SEC23IP: variants seen among roughly 807,000 people sequenced by gnomAD.
The protein encoded by SEC23IP is SEC23 interacting protein, also known as SEC23-interacting protein.
A neutral mutation model predicts 113.4 loss-of-function variants in SEC23IP; 70 were observed. The observed-to-expected ratio is 0.62, with a 90% CI of 0.51 to 0.75. SEC23IP has a LOEUF of 0.75. SEC23IP is among the 30% of genes least tolerant of loss of function. The pLI, the probability that SEC23IP is intolerant of heterozygous loss-of-function variation, is 0.00. For missense variants in SEC23IP, 1,160 were observed against 1,204.9 expected, an observed-to-expected ratio of 0.96 and a Z score of 0.55; for synonymous variants, 398 against 421.0, an observed-to-expected ratio of 0.95 and a Z score of 0.67.
intron 5 of SEC23IP, among the ~76,000 whole-genome samples, chr10:119,909,559 G>C (rs1854791832): frequency 1.3e-5 from 2 of 152,154 alleles, no homozygotes; most frequent in African/African-American, 4.8e-5. Flanking sequence ...CTGCACTCTA[G>C]TAGCCTGGGT....
At chr10:119,914,927 A>G in intron 7 of SEC23IP, 108 bp downstream of exon 7, 1 of 967,866 alleles carries the variant, frequency 1.0e-6, no homozygotes, top group East Asian at 2.4e-5. Flanking sequence ...CTTGCTGAGG[A>G]GTCTGTAAGA....
intron 2 of SEC23IP, among the ~76,000 whole-genome samples, chr10:119,899,355 A>T (rs568609084): frequency 1.3e-5 from 2 of 152,344 alleles, no homozygotes; most frequent in South Asian, 4.1e-4. Flanking sequence ...ACTAAAATTG[A>T]TTACTTCAGT....
At chr10:119,893,559 G>A (rs111943930) in intron 1 of SEC23IP, among the ~76,000 whole-genome samples, 12 of 119,674 alleles carry the variant, frequency 1.0e-4, no homozygotes, top group Admixed American at 3.5e-4. Flanking sequence ...TTGCTCTGTC[G>A]CCCAGGCTGG....
intron 2 of SEC23IP, among the ~76,000 whole-genome samples, chr10:119,902,098 T>C (rs982720925): frequency 8.5e-5 from 13 of 152,222 alleles, no homozygotes; most frequent in African/African-American, 3.1e-4. Context: ...GGCTCACACC[T>C]GTAATCCCAA....
intron 12 of SEC23IP, among the ~76,000 whole-genome samples, 153 bp downstream of exon 12, chr10:119,921,137 G>A (rs1200147283): frequency 6.6e-6 from 1 of 152,182 alleles, no homozygotes; most frequent in Admixed American, 6.5e-5. Context: ...CCAGACTTAG[G>A]AGTCAGAGTT....
chr10:119,902,820 C>G lies in SEC23IP; in HGVS notation c.718C>G (p.Pro240Ala). Reference protein sequence around the residue: ...LPPVPSSVQSPAQQQVPARPG... With the variant: ...LPPVPSSVQSAAQQQVPARPG... ...CCAGGTTCCTTCTTCAGTGCAGTCACCGGCACAGCAGCAGGTACCTGCCAG... is the reference window on the plus strand; with the variant it reads ...CCAGGTTCCTTCTTCAGTGCAGTCAGCGGCACAGCAGCAGGTACCTGCCAG... The change falls in exon 3 of 19, where the codon CCG (proline) becomes GCG (alanine). Residue 240 changes from proline (P) to alanine (A), a missense_variant. Transcript: ENST00000369075. 6.2e-7 allele frequency: 1 copy of G among 1,614,150 alleles called. No homozygotes were observed. Among genetic ancestry groups the G allele is most frequent in the Non-Finnish European group, 8.5e-7 (1 of 1,180,010 alleles).
rs188197220 is a variant in SEC23IP, at chr10:119,910,326, T to G, written c.1191+1196T>G. Among the ~76,000 whole-genome samples, 289 of 152,308 alleles carry G rather than the reference T, an allele frequency of 1.9e-3. 1 individual carries two copies. The highest frequency in any genetic ancestry group is 6.7e-3 in the African/African-American group (277 of 41,558). On this transcript the variant is annotated intron_variant, in intron 5 of 18. Transcript: ENST00000369075. ...AAAATATTGATTGCTGGTATTCTGA[T>G]TCTATCATTTGCCAACCTTAATTTC...
chr10:119,938,512 T>C (rs948747792), intron 18 of SEC23IP, among the ~76,000 whole-genome samples: 3 of 152,204 alleles, frequency 2.0e-5, no homozygotes, highest in Non-Finnish European at 4.4e-5. Context: ...TCTGGGCATC[T>C]TTTTATGGTA....
intron 4 of SEC23IP, among the ~76,000 whole-genome samples, chr10:119,906,029 A>G (rs1009111231): frequency 6.6e-6 from 1 of 151,922 alleles, no homozygotes; most frequent in African/African-American, 2.4e-5. Flanking sequence ...TAATCCCAGC[A>G]CTCTGGGAGG....
At chr10:119,906,921 T>A (rs1461135641) in intron 4 of SEC23IP, among the ~76,000 whole-genome samples, 1 of 152,076 alleles carries the variant, frequency 6.6e-6, no homozygotes, top group African/African-American at 2.4e-5. Context: ...CTTTAATCCT[T>A]GTTGTTTGTG....
Position 119,920,872 on chromosome 10 carries a change from TC to T in SEC23IP, c.2026-16del. The T allele has an allele frequency of 6.6e-7, 1 of 1,525,570 alleles. No homozygotes were observed. Among genetic ancestry groups the T allele is most frequent in the Non-Finnish European group, 9.1e-7 (1 of 1,103,352 alleles). 94.5% of individuals were successfully genotyped at this position (1,525,570 alleles called of 1,614,324 possible). A position where few individuals can be genotyped will look rare whatever the true frequency, so the allele number is the denominator to read the frequency against. On this transcript the variant is annotated splice_polypyrimidine_tract_variant and intron_variant, in intron 11 of 18. Coordinates refer to ENST00000369075, the MANE Select transcript of SEC23IP (RefSeq NM_007190.4). ...ATCACTAGATTGATTAATGTGCTTG[TC>T]TGTTTCCTTTTAAAGCTTATGTGTA...
At chr10:119,938,929 C>T (rs1202236112) in intron 18 of SEC23IP, among the ~76,000 whole-genome samples, 1 of 152,144 alleles carries the variant, frequency 6.6e-6, no homozygotes, top group Non-Finnish European at 1.5e-5. Context: ...TTATTCTATA[C>T]ATAGTTCATT....
At chr10:119,930,689 G>T (rs1855568383) in intron 15 of SEC23IP, among the ~76,000 whole-genome samples, 1 of 152,172 alleles carries the variant, frequency 6.6e-6, no homozygotes, top group South Asian at 2.1e-4. Context: ...TGCATAATTA[G>T]ATTTTGATAG....
chr10:119,914,862 C>G (rs969756174), intron 7 of SEC23IP, 43 bp downstream of exon 7: 1 of 1,539,646 alleles, frequency 6.5e-7, no homozygotes, highest in Non-Finnish European at 9.0e-7. Flanking sequence ...GATCTGAGAA[C>G]TAATAGAAGA....
chr10:119,929,907 C>T (rs1855539811), intron 14 of SEC23IP, 145 bp downstream of exon 14: 1 of 579,458 alleles, frequency 1.7e-6, no homozygotes, highest in Admixed American at 3.2e-5. Flanking sequence ...TCACAGCCTC[C>T]CAAATCGCTA....
intron 4 of SEC23IP, 61 bp from the exon 5 acceptor site, chr10:119,908,980 C>T: frequency 8.9e-7 from 1 of 1,119,042 alleles, no homozygotes; most frequent in Non-Finnish European, 1.3e-6. Context: ...TTCCTCCATA[C>T]TTTCTCTCCA....
chr10:119,914,849 G>C, intron 7 of SEC23IP, 30 bp downstream of exon 7: 1 of 1,575,924 alleles, frequency 6.3e-7, no homozygotes, highest in South Asian at 1.1e-5. Flanking sequence ...TATTTCATGG[G>C]ATGATCTGAG....
At position 119,940,881 on chromosome 10, in the gene SEC23IP, A is replaced by G. The variant is rs1411180089; in HGVS notation, c.*316A>G. On this transcript the variant is annotated 3_prime_UTR_variant, in exon 19 of 19. Transcript: ENST00000369075. ...GTTGTCAAAGTTATATGTGATATCA[A>G]TGAAGAAATATTTGTAGCATGTAAA... is the stretch of plus-strand genomic sequence containing the variant. The G allele has an allele frequency of 2.0e-5, 3 of 152,248 alleles. No homozygotes were observed. The highest frequency in any genetic ancestry group is 1.9e-4 in the East Asian group (1 of 5,206). The allele number at this position is 152,248 out of a possible 1,614,324, so 9.4% of individuals were successfully genotyped here. A position where few individuals can be genotyped will look rare whatever the true frequency, so the allele number is the denominator to read the frequency against.
intron 13 of SEC23IP, among the ~76,000 whole-genome samples, chr10:119,929,294 T>C: frequency 6.6e-6 from 1 of 152,128 alleles, no homozygotes. Flanking sequence ...AGTGCGGTGG[T>C]GTGATCTTGG....
Sources: allele counts gnomAD v4.1 joint callset (sites outside exome capture counted in the v4.1 genomes callset), GRCh38; gene constraint gnomAD v4.1.1; transcripts MANE v1.5; gene names NCBI Gene and HGNC (gene_info 2026-07-23, HGNC 2026-07-21).